Variants in PPP2R2B observed in about 807,000 individuals in gnomAD.
The protein encoded by PPP2R2B is protein phosphatase 2 regulatory subunit Bbeta.
In PPP2R2B, 5 loss-of-function variants were observed where a neutral mutation model predicts 46.0. The ratio of observed to expected loss-of-function variants is 0.11; its 90% CI spans 0.06 to 0.23. The LOEUF (loss-of-function observed/expected upper bound fraction) is 0.23, where lower values mean the gene tolerates loss of function less well. Among genes scored for constraint, PPP2R2B ranks in the 10% least tolerant of loss-of-function variants. The pLI is 1.00. For synonymous variants in PPP2R2B, 215 were observed against 206.7 expected (o/e 1.04, Z -0.34); for missense variants, 367 against 575.0 (o/e 0.64, Z 3.70).
chr5:146,973,659 T>A (rs1347622284), intron 1 of PPP2R2B, among the ~76,000 whole-genome samples: 1 of 152,170 alleles, frequency 6.6e-6, no homozygotes, highest in Non-Finnish European at 1.5e-5. Flanking sequence ...CTTGATTATA[T>A]GAGAGGAGAT....
At chr5:146,832,689 C>T (rs1364511387) in intron 2 of PPP2R2B, among the ~76,000 whole-genome samples, 2 of 152,150 alleles carry the variant, frequency 1.3e-5, no homozygotes, top group East Asian at 3.9e-4. Flanking sequence ...CTGTGCCCGG[C>T]CATTTTTAAT....
chr5:147,051,435 T>C (rs1297494810), intron 1 of PPP2R2B, among the ~76,000 whole-genome samples: 1 of 152,170 alleles, frequency 6.6e-6, no homozygotes, highest in Non-Finnish European at 1.5e-5. Context: ...AGTCTCCTTG[T>C]GGTTTGTGTG....
chr5:146,985,356 C>G (rs1296668753), intron 1 of PPP2R2B, among the ~76,000 whole-genome samples: 1 of 152,128 alleles, frequency 6.6e-6, no homozygotes, highest in African/African-American at 2.4e-5. Context: ...CATAGGTTGT[C>G]TCTTTACATG....
At chr5:146,945,698 C>G (rs971341757) in intron 1 of PPP2R2B, among the ~76,000 whole-genome samples, 1 of 152,176 alleles carries the variant, frequency 6.6e-6, no homozygotes, top group Admixed American at 6.5e-5. Context: ...TGGGGGAAAG[C>G]ATTTTCAGCC....
At chr5:146,702,043 A>G (rs1183927378) in intron 2 of PPP2R2B, among the ~76,000 whole-genome samples, 1 of 141,372 alleles carries the variant, frequency 7.1e-6, no homozygotes, top group Admixed American at 7.2e-5. Context: ...TGCTACCAAG[A>G]GTGCAAATGA....
chr5:146,941,446 AAT>A (rs1214131759), intron 1 of PPP2R2B, among the ~76,000 whole-genome samples: 1 of 152,204 alleles, frequency 6.6e-6, no homozygotes, highest in African/African-American at 2.4e-5. Flanking sequence ...GATAATTCAT[AAT>A]ACTTGTGATG....
At chr5:146,621,629 T>C (rs1773707362) in intron 7 of PPP2R2B, among the ~76,000 whole-genome samples, 1 of 152,158 alleles carries the variant, frequency 6.6e-6, no homozygotes, top group Non-Finnish European at 1.5e-5. Context: ...CTTTACAGAC[T>C]TAACACAATG....
chr5:146,698,954 A>T (rs528673720), intron 3 of PPP2R2B, among the ~76,000 whole-genome samples: 1 of 152,260 alleles, frequency 6.6e-6, no homozygotes, highest in Non-Finnish European at 1.5e-5. Flanking sequence ...AAAAAGAAGA[A>T]AGGAAGAGAG....
chr5:147,053,723 G>GT (rs1444692153), intron 1 of PPP2R2B, among the ~76,000 whole-genome samples: 2 of 152,150 alleles, frequency 1.3e-5, no homozygotes, highest in African/African-American at 2.4e-5. Context: ...AAGAAAACAC[G>GT]TGGGGCATGG....
chr5:146,914,213 T>C (rs939862521), intron 1 of PPP2R2B: 1 of 152,222 alleles, frequency 6.6e-6, no homozygotes, highest in Non-Finnish European at 1.5e-5. Context: ...TACAATACTT[T>C]TAAAGATTTA....
At chr5:146,737,190 T>C (rs1447085634) in intron 2 of PPP2R2B, among the ~76,000 whole-genome samples, 2 of 152,154 alleles carry the variant, frequency 1.3e-5, no homozygotes, top group Non-Finnish European at 2.9e-5. Flanking sequence ...GCAGAGAGCT[T>C]TAGCTGCACT....
At chr5:146,862,875 A>AC (rs1449369098) in intron 2 of PPP2R2B, among the ~76,000 whole-genome samples, 1 of 151,770 alleles carries the variant, frequency 6.6e-6, no homozygotes. Context: ...AAAAAAAAAA[A>AC]AACCCTGGCT....
intron 5 of PPP2R2B, among the ~76,000 whole-genome samples, chr5:146,652,989 G>A (rs1776079464): frequency 6.6e-6 from 1 of 152,170 alleles, no homozygotes; most frequent in African/African-American, 2.4e-5. Flanking sequence ...GGATAAAAAA[G>A]TGACTTTGCC....
chr5:146,818,943 A>T (rs1405544645), intron 2 of PPP2R2B, among the ~76,000 whole-genome samples: 1 of 152,186 alleles, frequency 6.6e-6, no homozygotes, highest in Admixed American at 6.5e-5. Flanking sequence ...AAAGTACAGC[A>T]TGCTGTAAAG....
At chr5:146,605,295 C>A (rs1265590075) in intron 7 of PPP2R2B, among the ~76,000 whole-genome samples, 1 of 152,148 alleles carries the variant, frequency 6.6e-6, no homozygotes, top group African/African-American at 2.4e-5. Flanking sequence ...ACTCTCTGAC[C>A]CTGTTTCCTT....
At chr5:146,773,799 G>C (rs540760089) in intron 2 of PPP2R2B, among the ~76,000 whole-genome samples, 21 of 152,186 alleles carry the variant, frequency 1.4e-4, no homozygotes, top group African/African-American at 4.6e-4. Flanking sequence ...TTTTACCGTA[G>C]AGGCCAATTT....
intron 1 of PPP2R2B, among the ~76,000 whole-genome samples, chr5:146,903,425 T>C (rs571811581): frequency 1.4e-5 from 2 of 147,588 alleles, no homozygotes; most frequent in African/African-American, 5.0e-5. Context: ...AGACAGAATT[T>C]CACTCTGTTG....
chr5:147,025,179 C>A (rs920490463), intron 1 of PPP2R2B, among the ~76,000 whole-genome samples: 1 of 151,924 alleles, frequency 6.6e-6, no homozygotes, highest in African/African-American at 2.4e-5. Flanking sequence ...TTTTCCAGTT[C>A]AGAGGAAATA....
At chr5:146,746,320 C>T (rs549078142) in intron 2 of PPP2R2B, among the ~76,000 whole-genome samples, 7 of 152,016 alleles carry the variant, frequency 4.6e-5, no homozygotes, top group East Asian at 1.9e-4. Context: ...CTATCACTGG[C>T]GCATGGGATG....
Sources: allele counts gnomAD v4.1 joint callset (sites outside exome capture counted in the v4.1 genomes callset), GRCh38; gene constraint gnomAD v4.1.1; transcripts MANE v1.5; gene names NCBI Gene and HGNC (gene_info 2026-07-23, HGNC 2026-07-21).